ADK: variants seen among roughly 807,000 people sequenced by gnomAD.
ADK encodes N6,N6-dimethyladenosine kinase.
In ADK, 24 loss-of-function variants were observed where a neutral mutation model predicts 44.7. The ratio of observed to expected loss-of-function variants is 0.54; its 90% CI spans 0.39 to 0.76. The LOEUF (loss-of-function observed/expected upper bound fraction) is 0.76. Among genes scored for constraint, ADK ranks in the 30% least tolerant of loss-of-function variants. The pLI, the probability that ADK is intolerant of heterozygous loss-of-function variation, is 0.00. For synonymous variants in ADK, 128 were observed against 142.6 expected, an observed-to-expected ratio of 0.90 and a Z score of 0.73; for missense variants, 321 against 425.1, an observed-to-expected ratio of 0.76 and a Z score of 2.15.
intron 4 of ADK, chr10:74,371,631 C>T: frequency 1.0e-6 from 1 of 998,208 alleles, no homozygotes; most frequent in Non-Finnish European, 1.6e-6. Flanking sequence ...TCTTGACTTC[C>T]AGATGGAACA....
intron 3 of ADK, among the ~76,000 whole-genome samples, chr10:74,291,158 C>T (rs778116593): frequency 1.1e-4 from 17 of 152,154 alleles, no homozygotes; most frequent in Non-Finnish European, 2.1e-4. Context: ...TGGCTCACGC[C>T]TGTAATCCAG....
intron 3 of ADK, among the ~76,000 whole-genome samples, chr10:74,254,869 G>A (rs1023204581): frequency 5.9e-5 from 9 of 152,148 alleles, no homozygotes; most frequent in African/African-American, 2.2e-4. Flanking sequence ...CTATTAAACT[G>A]TTGAGAGTTT....
intron 2 of ADK, among the ~76,000 whole-genome samples, chr10:74,218,194 G>A (rs2132220153): frequency 6.6e-6 from 1 of 152,284 alleles, no homozygotes; most frequent in Middle Eastern, 3.4e-3. Context: ...GGAGCTGAAA[G>A]CCAAGGCCCG....
At chr10:74,272,959 C>T (rs1297413372) in intron 3 of ADK, among the ~76,000 whole-genome samples, 1 of 152,050 alleles carries the variant, frequency 6.6e-6, no homozygotes, top group African/African-American at 2.4e-5. Context: ...GCCTTAAGCA[C>T]ACTGGTGTAA....
At chr10:74,561,679 T>G (rs1316024757) in intron 7 of ADK, among the ~76,000 whole-genome samples, 1 of 152,236 alleles carries the variant, frequency 6.6e-6, no homozygotes, top group Non-Finnish European at 1.5e-5. Context: ...TATGAGTCCA[T>G]GTTAAACCAG....
intron 6 of ADK, among the ~76,000 whole-genome samples, chr10:74,407,674 A>G (rs1165255282): frequency 6.6e-6 from 1 of 152,180 alleles, no homozygotes; most frequent in Admixed American, 6.5e-5. Context: ...AGCATGTGGT[A>G]GCCAGCTTGG....
intron 7 of ADK, among the ~76,000 whole-genome samples, chr10:74,539,644 C>G (rs1484182767): frequency 6.6e-6 from 1 of 151,870 alleles, no homozygotes; most frequent in East Asian, 1.9e-4. Flanking sequence ...GTTATAAAAT[C>G]ATCAAGGAAT....
chr10:74,557,367 A>T (rs948494851), intron 7 of ADK, among the ~76,000 whole-genome samples: 1 of 152,198 alleles, frequency 6.6e-6, no homozygotes, highest in African/African-American at 2.4e-5. Context: ...GTAATATTGG[A>T]TACTTCTGTG....
intron 1 of ADK, chr10:74,176,436 G>A (rs1393048657): frequency 2.8e-6 from 3 of 1,053,858 alleles, no homozygotes; most frequent in African/African-American, 1.7e-5. Context: ...AGGGAGCTGA[G>A]CTTGCCGAGG....
At chr10:74,428,171 A>T (rs1844866490) in intron 6 of ADK, among the ~76,000 whole-genome samples, 1 of 152,172 alleles carries the variant, frequency 6.6e-6, no homozygotes, top group Admixed American at 6.5e-5. Context: ...ATTCACTGTG[A>T]CTTTATCTTA....
intron 3 of ADK, among the ~76,000 whole-genome samples, chr10:74,257,197 C>G (rs1160503312): frequency 1.5e-5 from 1 of 67,080 alleles, no homozygotes; most frequent in Non-Finnish European, 3.4e-5. Context: ...CCCAAGTCTA[C>G]AAATATGTTA....
At chr10:74,184,501 TTGTGTGTGTGTGTGTGTGTG>T (rs67693938) in intron 1 of ADK, among the ~76,000 whole-genome samples, 2,447 of 138,508 alleles carry the variant, frequency 0.018, 37 homozygotes, top group Middle Eastern at 0.025. Flanking sequence ...TGGCTATATT[TTGTGTGTGTGTGTGTGTGTG>T]TGTGTGTGTG....
chr10:74,566,752 A>G (rs1400775728), intron 7 of ADK, among the ~76,000 whole-genome samples: 3 of 152,212 alleles, frequency 2.0e-5, no homozygotes, highest in Admixed American at 1.3e-4. Context: ...TTAGGTATCT[A>G]TGAATGAGGA....
intron 7 of ADK, among the ~76,000 whole-genome samples, chr10:74,544,803 G>A (rs936129134): frequency 1.3e-5 from 2 of 151,910 alleles, no homozygotes; most frequent in Non-Finnish European, 2.9e-5. Flanking sequence ...TGGAGGTTGC[G>A]GTGAGCTGAG....
intron 9 of ADK, among the ~76,000 whole-genome samples, chr10:74,622,267 C>G (rs2134031494): frequency 6.6e-6 from 1 of 152,188 alleles, no homozygotes; most frequent in South Asian, 2.1e-4. Flanking sequence ...AGTCCATTGC[C>G]CAGATTCTCA....
At chr10:74,532,472 T>C (rs1849320951) in intron 7 of ADK, among the ~76,000 whole-genome samples, 1 of 87,694 alleles carries the variant, frequency 1.1e-5, no homozygotes, top group African/African-American at 4.1e-5. Context: ...GGTGAAACTG[T>C]GTCAAAAAAA....
chr10:74,455,232 G>A (rs999958599), intron 6 of ADK, among the ~76,000 whole-genome samples: 27 of 152,154 alleles, frequency 1.8e-4, no homozygotes, highest in African/African-American at 6.0e-4. Context: ...GACCTTCCAT[G>A]GTGGTTCATG....
chr10:74,367,747 TA>T (rs1842540304), intron 4 of ADK, among the ~76,000 whole-genome samples: 1 of 152,238 alleles, frequency 6.6e-6, no homozygotes, highest in South Asian at 2.1e-4. Flanking sequence ...AATGCGTATT[TA>T]GTGCCATATT....
chr10:74,677,024 A>C (rs756522159), intron 10 of ADK, among the ~76,000 whole-genome samples: 1 of 152,080 alleles, frequency 6.6e-6, no homozygotes, highest in Non-Finnish European at 1.5e-5. Flanking sequence ...GCAGGTGGAC[A>C]GCTTGAGCTC....
Sources: gnomAD v4.1 joint callset for allele counts (sites outside exome capture counted in the v4.1 genomes callset) on GRCh38, gnomAD v4.1.1 for gene constraint, MANE v1.5 for transcripts, NCBI Gene and HGNC (gene_info 2026-07-23, HGNC 2026-07-21) for gene names.